SOAT1: variants seen among roughly 807,000 people sequenced by gnomAD.
The protein encoded by SOAT1 is sterol O-acyltransferase 1, also known as acyl-coenzyme A:cholesterol acyltransferase 1.
SOAT1 carries 55 observed loss-of-function variants against 69.5 expected under a neutral mutation model. The observed-to-expected ratio is 0.79, with a 90% confidence interval of 0.64 to 0.99. The LOEUF (loss-of-function observed/expected upper bound fraction) is 0.99, where lower values mean the gene tolerates loss of function less well. SOAT1 is among the 50% of genes least tolerant of loss of function. SOAT1 has a pLI of 0.00. For missense variants in SOAT1, 580 were observed against 669.3 expected (o/e 0.87, Z 1.47); for synonymous variants, 231 against 224.7 (o/e 1.03, Z -0.25).
chr1:179,343,617 C>T lies in SOAT1; in HGVS notation c.969C>T (p.Val323=), dbSNP rs10753191. ...ATCCCACTGTAAGATGGGGTTATGT[C>T]GCTATGAAGTTTGCACAGGTAAGTT... is the stretch of plus-strand genomic sequence containing the variant. ...PRNPTVRWGY[V]AMKFAQVFGC... is the part of the protein sequence containing the mutation. Residue 323 remains valine (V), a synonymous_variant, in exon 10 of 16, where the codon GTC becomes GTT. Coordinates refer to ENST00000367619, the MANE Select transcript of SOAT1 (RefSeq NM_003101.6). 0.17 allele frequency: 272,055 copies of T among 1,603,774 alleles called. 26,607 individuals carry two copies. Among genetic ancestry groups the T allele is most frequent in the East Asian group, 0.39 (17,436 of 44,670 alleles).
At chr1:179,308,975 T>A (rs2124944285) in intron 2 of SOAT1, among the ~76,000 whole-genome samples, 1 of 152,334 alleles carries the variant, frequency 6.6e-6, no homozygotes. Flanking sequence ...TTTAACTTGC[T>A]CCTTATTGAT....
intron 2 of SOAT1, among the ~76,000 whole-genome samples, chr1:179,314,710 T>G (rs1035675473): frequency 6.6e-6 from 1 of 152,108 alleles, no homozygotes; most frequent in Non-Finnish European, 1.5e-5. Flanking sequence ...ATAATAGGCG[T>G]GAGCCAGCAC....
chr1:179,331,508 C>T (rs1665973237), intron 3 of SOAT1, among the ~76,000 whole-genome samples: 1 of 152,154 alleles, frequency 6.6e-6, no homozygotes, highest in Non-Finnish European at 1.5e-5. Context: ...GAGGCCAAGG[C>T]AGGCAGATCA....
intron 11 of SOAT1, among the ~76,000 whole-genome samples, chr1:179,346,540 G>A (rs960826783): frequency 6.6e-6 from 1 of 152,196 alleles, no homozygotes; most frequent in Non-Finnish European, 1.5e-5. Context: ...AGGGCATGGA[G>A]CATTCTGGAA....
At chr1:179,342,980 A>C (rs759093396) in intron 9 of SOAT1, 37 bp downstream of exon 9, 2 of 1,525,888 alleles carry the variant, frequency 1.3e-6, no homozygotes, top group African/African-American at 2.7e-5. Context: ...GGTAAACACC[A>C]AAAGTGTGGC....
intron 11 of SOAT1, 112 bp from the exon 12 acceptor site, chr1:179,347,488 T>C: frequency 6.4e-6 from 4 of 626,642 alleles, no homozygotes; most frequent in Non-Finnish European, 1.1e-5. Context: ...ACTGGAATAA[T>C]AACTTATATT....
At chr1:179,352,284 A>G (rs1666766610) in intron 15 of SOAT1, among the ~76,000 whole-genome samples, 1 of 151,570 alleles carries the variant, frequency 6.6e-6, no homozygotes, top group Non-Finnish European at 1.5e-5. Flanking sequence ...TTTTCAAGTA[A>G]CACAGTATAG....
chr1:179,334,759 T>G (rs1460581360), intron 3 of SOAT1, among the ~76,000 whole-genome samples: 1 of 152,080 alleles, frequency 6.6e-6, no homozygotes, highest in Non-Finnish European at 1.5e-5. Flanking sequence ...CTTGTGCCTG[T>G]AATCCCAGCA....
intron 2 of SOAT1, among the ~76,000 whole-genome samples, chr1:179,309,889 T>G (rs776873591): frequency 6.6e-6 from 1 of 152,024 alleles, no homozygotes; most frequent in Non-Finnish European, 1.5e-5. Context: ...TTTGTTTTTG[T>G]TTTTATTTTT....
chr1:179,315,105 A>G (rs1400022412), intron 2 of SOAT1, among the ~76,000 whole-genome samples: 1 of 152,150 alleles, frequency 6.6e-6, no homozygotes, highest in Non-Finnish European at 1.5e-5. Context: ...TCAGTGTTTT[A>G]GAAATTGAGA....
chr1:179,297,015 G>C (rs555142802), intron 1 of SOAT1, among the ~76,000 whole-genome samples: 2 of 152,240 alleles, frequency 1.3e-5, no homozygotes, highest in Admixed American at 1.3e-4. Context: ...TGTTACCTGG[G>C]GGGGAATAGC....
At position 179,341,235 on chromosome 1, in the gene SOAT1, A is replaced by T. The variant is rs775369867; in HGVS notation, c.705A>T (p.Leu235=). The change falls in exon 7 of 16, where the codon CTA becomes CTT. Residue 235 remains leucine, a synonymous_variant. Coordinates refer to ENST00000367619, the MANE Select transcript of SOAT1 (RefSeq NM_003101.6). ...TCATGATCTTCCAGATTGGAGTTCT[A>T]GGTTTTGGACCAACATATGTTGTGT... ...FLFMIFQIGV[L]GFGPTYVVLA... 6.2e-7 allele frequency: 1 copy of T among 1,614,032 alleles called. No homozygotes were observed.
chr1:179,323,315 T>G, intron 2 of SOAT1, 122 bp from the exon 3 acceptor site: 3 of 702,758 alleles, frequency 4.3e-6, no homozygotes, highest in South Asian at 4.1e-5. Flanking sequence ...TCGTGTTTTA[T>G]GGTTGCACCA....
At chr1:179,345,965 C>T (rs1351651649) in intron 11 of SOAT1, among the ~76,000 whole-genome samples, 1 of 152,084 alleles carries the variant, frequency 6.6e-6, no homozygotes, top group Non-Finnish European at 1.5e-5. Context: ...AGTACTATGC[C>T]AGGTGCAGAG....
intron 12 of SOAT1, among the ~76,000 whole-genome samples, chr1:179,348,605 T>C (rs1666611065): frequency 6.6e-6 from 1 of 152,198 alleles, no homozygotes; most frequent in Non-Finnish European, 1.5e-5. Context: ...TCATATATAG[T>C]ATGAGAATTC....
chr1:179,302,942 A>G (rs1664884787), intron 2 of SOAT1, 140 bp downstream of exon 2: 7 of 497,074 alleles, frequency 1.4e-5, no homozygotes, highest in Non-Finnish European at 2.1e-5. Flanking sequence ...TAACAAAGCA[A>G]TTAGACAATA....
intron 3 of SOAT1, among the ~76,000 whole-genome samples, chr1:179,333,338 TCAGA>T (rs1666032636): frequency 6.6e-6 from 1 of 151,432 alleles, no homozygotes; most frequent in Non-Finnish European, 1.5e-5. Context: ...ACCTGGCCAA[TCAGA>T]CAGCCTCACA....
intron 11 of SOAT1, among the ~76,000 whole-genome samples, chr1:179,345,308 C>T (rs761379240): frequency 6.6e-6 from 1 of 152,298 alleles, no homozygotes; most frequent in Non-Finnish European, 1.5e-5. Flanking sequence ...TGACAGTGGA[C>T]AGTCCACATT....
At chr1:179,308,312 C>T (rs183636921) in intron 2 of SOAT1, among the ~76,000 whole-genome samples, 1 of 152,062 alleles carries the variant, frequency 6.6e-6, no homozygotes, top group Non-Finnish European at 1.5e-5. Context: ...TACAGGCAGC[C>T]TACACAGTTG....
Sources: allele counts gnomAD v4.1 joint callset (sites outside exome capture counted in the v4.1 genomes callset), GRCh38; gene constraint gnomAD v4.1.1; transcripts MANE v1.5; gene names NCBI Gene and HGNC (gene_info 2026-07-23, HGNC 2026-07-21).